FOXJ3: variants seen among roughly 807,000 people sequenced by gnomAD.
The protein encoded by FOXJ3 is forkhead box J3, also known as forkhead box protein J3.
A neutral mutation model predicts 76.1 loss-of-function variants in FOXJ3; 22 were observed. That is an observed-to-expected ratio of 0.29 (90% CI 0.21 to 0.41). The LOEUF (loss-of-function observed/expected upper bound fraction) is 0.41. Ranked by LOEUF, FOXJ3 falls within the 10% of genes least tolerant of loss-of-function variation. The pLI is 1.00. For synonymous variants in FOXJ3, 269 were observed against 261.2 expected, an observed-to-expected ratio of 1.03 and a Z score of -0.29; for missense variants, 613 against 762.1, an observed-to-expected ratio of 0.80 and a Z score of 2.30.
chr1:42,324,663 T>C (rs1215075644), intron 1 of FOXJ3, among the ~76,000 whole-genome samples: 9 of 152,128 alleles, frequency 5.9e-5, no homozygotes, highest in South Asian at 2.1e-4. Context: ...GGCTACAAGC[T>C]TGAATGGCAT....
intron 1 of FOXJ3, among the ~76,000 whole-genome samples, chr1:42,311,865 T>G (rs1654835763): frequency 1.3e-5 from 2 of 152,208 alleles, no homozygotes; most frequent in South Asian, 4.1e-4. Flanking sequence ...ACTGCAAGCT[T>G]GTTGTTAGAA....
chr1:42,185,005 T>C (rs1375640644), intron 11 of FOXJ3, among the ~76,000 whole-genome samples: 2 of 152,046 alleles, frequency 1.3e-5, no homozygotes, highest in African/African-American at 4.8e-5. Flanking sequence ...TCAGATTGTG[T>C]AGGCCATATA....
intron 1 of FOXJ3, among the ~76,000 whole-genome samples, chr1:42,324,368 A>G (rs1368029521): frequency 6.8e-6 from 1 of 147,292 alleles, no homozygotes; most frequent in South Asian, 2.1e-4. Context: ...TATATACTAT[A>G]TATACTATAT....
intron 9 of FOXJ3, among the ~76,000 whole-genome samples, chr1:42,190,161 C>A (rs1380386587): frequency 2.0e-5 from 3 of 152,166 alleles, no homozygotes; most frequent in Admixed American, 6.5e-5. Context: ...AGAGGCCATG[C>A]AGCAAGAGTT....
intron 2 of FOXJ3, among the ~76,000 whole-genome samples, chr1:42,302,121 T>A (rs1654188949): frequency 6.6e-6 from 1 of 152,182 alleles, no homozygotes; most frequent in Admixed American, 6.5e-5. Flanking sequence ...GCTGGTTATA[T>A]CAGTGATGTA....
intron 2 of FOXJ3, among the ~76,000 whole-genome samples, chr1:42,282,077 AAAAAAGAAAC>A (rs1408230120): frequency 6.6e-6 from 1 of 152,100 alleles, no homozygotes; most frequent in East Asian, 1.9e-4. Context: ...AGAAAAAAAA[AAAAAAGAAAC>A]AAACAAACTT....
chr1:42,308,193 G>T (rs1184537583), intron 2 of FOXJ3, among the ~76,000 whole-genome samples: 1 of 152,084 alleles, frequency 6.6e-6, no homozygotes. Context: ...CTGTCTTGAG[G>T]TTAGCCACTT....
intron 2 of FOXJ3, among the ~76,000 whole-genome samples, chr1:42,295,895 CA>C (rs1449352572): frequency 6.6e-6 from 1 of 152,146 alleles, no homozygotes; most frequent in African/African-American, 2.4e-5. Flanking sequence ...TTTACTGGAT[CA>C]AAAGGTAGTT....
chr1:42,192,375 G>A (rs190272114), intron 8 of FOXJ3, among the ~76,000 whole-genome samples: 1 of 152,184 alleles, frequency 6.6e-6, no homozygotes, highest in African/African-American at 2.4e-5. Flanking sequence ...GTGCCTGTGA[G>A]CATGTTTAAC....
intron 2 of FOXJ3, among the ~76,000 whole-genome samples, chr1:42,300,623 A>T (rs372829364): frequency 2.6e-5 from 4 of 152,062 alleles, no homozygotes; most frequent in Non-Finnish European, 4.4e-5. Flanking sequence ...AAAAAACACA[A>T]GAAAATTAGC....
intron 2 of FOXJ3, among the ~76,000 whole-genome samples, chr1:42,281,781 G>A (rs1022603548): frequency 6.6e-6 from 1 of 152,192 alleles, no homozygotes; most frequent in Non-Finnish European, 1.5e-5. Flanking sequence ...TCATTAGGGC[G>A]GGTGCGGTGG....
chr1:42,265,841 A>G (rs905780644), intron 3 of FOXJ3, among the ~76,000 whole-genome samples: 2 of 152,198 alleles, frequency 1.3e-5, no homozygotes, highest in Non-Finnish European at 2.9e-5. Flanking sequence ...AAGAACATCT[A>G]AATTCTTCAT....
intron 1 of FOXJ3, among the ~76,000 whole-genome samples, chr1:42,333,313 T>C (rs1218661610): frequency 6.6e-6 from 1 of 152,130 alleles, no homozygotes; most frequent in South Asian, 2.1e-4. Flanking sequence ...GCAGGCCACT[T>C]TGGAATCTAG....
At chr1:42,219,085 C>T (rs924726904) in intron 5 of FOXJ3, among the ~76,000 whole-genome samples, 16 of 152,188 alleles carry the variant, frequency 1.1e-4, no homozygotes, top group Non-Finnish European at 4.4e-5. Flanking sequence ...CTCTTTTCCA[C>T]AGTTTCACTT....
At chr1:42,327,741 C>G (rs761417557) in intron 1 of FOXJ3, among the ~76,000 whole-genome samples, 11 of 152,158 alleles carry the variant, frequency 7.2e-5, no homozygotes, top group Non-Finnish European at 1.5e-4. Context: ...TAAGGTCACA[C>G]TGGCACCACA....
intron 3 of FOXJ3, among the ~76,000 whole-genome samples, chr1:42,268,313 T>C (rs1434406090): frequency 6.6e-6 from 1 of 151,674 alleles, no homozygotes; most frequent in Admixed American, 6.6e-5. Context: ...CTTAAAATAC[T>C]GAAAGAAAAA....
chr1:42,212,420 T>C (rs370187828), intron 5 of FOXJ3, among the ~76,000 whole-genome samples: 1 of 152,092 alleles, frequency 6.6e-6, no homozygotes, highest in South Asian at 2.1e-4. Context: ...AAGACCTATT[T>C]AGAGAACTAC....
chr1:42,307,999 A>G (rs1048904840), intron 2 of FOXJ3, among the ~76,000 whole-genome samples: 2 of 152,170 alleles, frequency 1.3e-5, no homozygotes, highest in African/African-American at 4.8e-5. Context: ...GAGAGTTTTA[A>G]TTCACTTACT....
chr1:42,324,241 CTATA>C (rs1234653197), intron 1 of FOXJ3, among the ~76,000 whole-genome samples: 1 of 16,318 alleles, frequency 6.1e-5, no homozygotes, highest in African/African-American at 1.3e-4. Flanking sequence ...TATATACACA[CTATA>C]TATACACTAT....
Sources: allele counts gnomAD v4.1 joint callset (sites outside exome capture counted in the v4.1 genomes callset), GRCh38; gene constraint gnomAD v4.1.1; transcripts MANE v1.5; gene names NCBI Gene and HGNC (gene_info 2026-07-23, HGNC 2026-07-21).